EYA2: variants seen among roughly 807,000 people sequenced by gnomAD.
EYA2 encodes the protein EYA transcriptional coactivator and phosphatase 2.
In EYA2, 31 loss-of-function variants were observed where a neutral mutation model predicts 69.2. The observed-to-expected ratio is 0.45, with a 90% CI of 0.34 to 0.60. The LOEUF (loss-of-function observed/expected upper bound fraction) is 0.60, where lower values mean the gene tolerates loss of function less well. Ranked by LOEUF, EYA2 falls within the 20% of genes least tolerant of loss-of-function variation. The pLI, the probability that EYA2 is intolerant of heterozygous loss-of-function variation, is 0.02. For synonymous variants in EYA2, 257 were observed against 279.4 expected, an observed-to-expected ratio of 0.92 and a Z score of 0.80; for missense variants, 622 against 701.2, an observed-to-expected ratio of 0.89 and a Z score of 1.28.
At chr20:47,024,966 G>A (rs1178153696) in intron 5 of EYA2, among the ~76,000 whole-genome samples, 2 of 152,214 alleles carry the variant, frequency 1.3e-5, no homozygotes, top group African/African-American at 4.8e-5. Flanking sequence ...TATGAGTACA[G>A]TTCTGCTCAG....
intron 1 of EYA2, among the ~76,000 whole-genome samples, chr20:46,929,465 T>C (rs965135227): frequency 6.6e-6 from 1 of 151,502 alleles, no homozygotes. Flanking sequence ...ACTAGGGCCA[T>C]ATGATAAAAG....
intron 8 of EYA2, among the ~76,000 whole-genome samples, chr20:47,091,694 A>G (rs1200655646): frequency 6.6e-6 from 1 of 152,072 alleles, no homozygotes; most frequent in Non-Finnish European, 1.5e-5. Context: ...GCGTTGAGCC[A>G]TGACCACACC....
chr20:46,928,647 G>A (rs982863767), intron 1 of EYA2, among the ~76,000 whole-genome samples: 2 of 152,228 alleles, frequency 1.3e-5, no homozygotes, highest in African/African-American at 4.8e-5. Context: ...TCCGGGAGCT[G>A]TTGCAAAGAT....
chr20:47,173,007 C>T (rs1266475424), intron 12 of EYA2, 140 bp downstream of exon 12: 6 of 910,604 alleles, frequency 6.6e-6, no homozygotes, highest in Non-Finnish European at 1.6e-6. Context: ...CTGACGACAC[C>T]CTTCGGAATA....
At chr20:47,018,632 A>G (rs936815983) in intron 5 of EYA2, among the ~76,000 whole-genome samples, 1 of 152,208 alleles carries the variant, frequency 6.6e-6, no homozygotes, top group Non-Finnish European at 1.5e-5. Flanking sequence ...CGCAAGAGCA[A>G]AGGCCCCGCG....
intron 7 of EYA2, among the ~76,000 whole-genome samples, chr20:47,083,494 C>T (rs1479629666): frequency 6.7e-6 from 1 of 150,172 alleles, no homozygotes; most frequent in Non-Finnish European, 1.5e-5. Flanking sequence ...AGGAGAATCC[C>T]TTGAACCAGG....
chr20:47,150,098 G>C (rs1290785652), intron 10 of EYA2, among the ~76,000 whole-genome samples: 1 of 152,206 alleles, frequency 6.6e-6, no homozygotes, highest in Non-Finnish European at 1.5e-5. Context: ...GGCCCCAGGA[G>C]GGTGGAATTA....
At chr20:46,922,916 C>T (rs774751002) in intron 1 of EYA2, among the ~76,000 whole-genome samples, 5 of 152,096 alleles carry the variant, frequency 3.3e-5, no homozygotes, top group African/African-American at 4.8e-5. Context: ...CGGAGAAGGA[C>T]GCAGCATCAC....
At chr20:47,131,051 T>C (rs1272753923) in intron 9 of EYA2, among the ~76,000 whole-genome samples, 1 of 152,048 alleles carries the variant, frequency 6.6e-6, no homozygotes, top group African/African-American at 2.4e-5. Context: ...ACTGCGCCAT[T>C]GCACTCCAGC....
intron 1 of EYA2, among the ~76,000 whole-genome samples, chr20:46,985,178 A>G (rs1485616376): frequency 6.6e-6 from 1 of 152,240 alleles, no homozygotes; most frequent in African/African-American, 2.4e-5. Context: ...GAAGAAGGTG[A>G]TGGCTCAAAT....
intron 1 of EYA2, among the ~76,000 whole-genome samples, chr20:46,929,068 G>A (rs1985541898): frequency 6.7e-6 from 1 of 149,000 alleles, no homozygotes; most frequent in Non-Finnish European, 1.5e-5. Flanking sequence ...TGGAAGCATT[G>A]TTCCCGAGGG....
intron 9 of EYA2, chr20:47,117,520 T>C (rs1368202698): frequency 4.1e-6 from 4 of 985,434 alleles, no homozygotes; most frequent in Non-Finnish European, 4.8e-6. Flanking sequence ...GCGGGTGTTA[T>C]TACGTGATTC....
At chr20:47,134,357 CTT>C (rs1397301649) in intron 9 of EYA2, among the ~76,000 whole-genome samples, 1 of 152,160 alleles carries the variant, frequency 6.6e-6, no homozygotes, top group Non-Finnish European at 1.5e-5. Context: ...AGTGCCAACA[CTT>C]TCTCTTACAA....
chr20:46,920,343 A>G (rs543523754), intron 1 of EYA2, among the ~76,000 whole-genome samples: 4 of 152,096 alleles, frequency 2.6e-5, no homozygotes, highest in Non-Finnish European at 5.9e-5. Context: ...GATATCTCCA[A>G]GGTGTGCCCG....
intron 5 of EYA2, among the ~76,000 whole-genome samples, chr20:47,032,485 C>T (rs1984473724): frequency 6.6e-6 from 1 of 152,094 alleles, no homozygotes; most frequent in Non-Finnish European, 1.5e-5. Context: ...GCTTATTTTT[C>T]TTCTCACCAG....
At chr20:46,996,232 T>C (rs1478080297) in intron 2 of EYA2, among the ~76,000 whole-genome samples, 4 of 152,244 alleles carry the variant, frequency 2.6e-5, no homozygotes, top group Non-Finnish European at 2.9e-5. Flanking sequence ...AGACTGAAGC[T>C]TTAATTTCCT....
At chr20:46,936,200 A>G (rs1985902399) in intron 1 of EYA2, among the ~76,000 whole-genome samples, 2 of 152,236 alleles carry the variant, frequency 1.3e-5, no homozygotes, top group African/African-American at 4.8e-5. Flanking sequence ...GGCCAGGTGC[A>G]GTGGTTCACG....
intron 5 of EYA2, among the ~76,000 whole-genome samples, chr20:47,037,499 G>A (rs1454347698): frequency 3.9e-5 from 6 of 152,164 alleles, no homozygotes; most frequent in Non-Finnish European, 7.3e-5. Context: ...CACAAACTTC[G>A]TGGCTTAAAA....
intron 8 of EYA2, among the ~76,000 whole-genome samples, chr20:47,090,874 A>G (rs2032062994): frequency 6.6e-6 from 1 of 152,176 alleles, no homozygotes; most frequent in Admixed American, 6.5e-5. Context: ...GGCAAAATGG[A>G]TGCCCCAAAA....
Sources: gnomAD v4.1 joint callset for allele counts (sites outside exome capture counted in the v4.1 genomes callset) on GRCh38, gnomAD v4.1.1 for gene constraint, MANE v1.5 for transcripts, NCBI Gene and HGNC (gene_info 2026-07-23, HGNC 2026-07-21) for gene names.